The following EYA4 variants were observed in gnomAD, a reference collection of about 807,000 sequenced individuals.
EYA4 encodes EYA transcriptional coactivator and phosphatase 4, also known as protein phosphatase EYA4.
EYA4 carries 31 observed loss-of-function variants against 87.9 expected under a neutral mutation model. The observed-to-expected ratio is 0.35, with a 90% CI of 0.27 to 0.48. The LOEUF is 0.48. Among genes scored for constraint, EYA4 ranks in the 20% least tolerant of loss-of-function variants. The pLI is 0.99. For missense variants in EYA4, 678 were observed against 761.4 expected, an observed-to-expected ratio of 0.89 and a Z score of 1.29; for synonymous variants, 263 against 270.6, an observed-to-expected ratio of 0.97 and a Z score of 0.28.
chr6:133,251,585 T>C (rs2128230607), intron 1 of EYA4, among the ~76,000 whole-genome samples: 1 of 152,340 alleles, frequency 6.6e-6, no homozygotes, highest in South Asian at 2.1e-4. Context: ...ACCTGAATTC[T>C]TCAGTATATT....
chr6:133,357,775 G>A (rs901268776), intron 2 of EYA4, among the ~76,000 whole-genome samples: 3 of 152,112 alleles, frequency 2.0e-5, no homozygotes, highest in African/African-American at 7.2e-5. Context: ...GTTAAGGGAA[G>A]GTAAAGGGGT....
intron 3 of EYA4, among the ~76,000 whole-genome samples, chr6:133,403,022 T>C (rs1788399428): frequency 6.6e-6 from 1 of 152,224 alleles, no homozygotes; most frequent in Non-Finnish European, 1.5e-5. Context: ...AATGCCTGCT[T>C]TCTACAATTG....
chr6:133,338,162 A>G (rs745952861), intron 2 of EYA4, among the ~76,000 whole-genome samples: 1 of 152,218 alleles, frequency 6.6e-6, no homozygotes, highest in Non-Finnish European at 1.5e-5. Flanking sequence ...TCTAGTCATT[A>G]GCTTAAAAAT....
intron 2 of EYA4, among the ~76,000 whole-genome samples, chr6:133,341,764 T>C (rs1184349794): frequency 6.6e-6 from 1 of 152,012 alleles, no homozygotes. Flanking sequence ...ATGGAGCTAA[T>C]GGGGACGGTG....
At chr6:133,280,687 G>T (rs9321399) in intron 2 of EYA4, among the ~76,000 whole-genome samples, 1 of 151,970 alleles carries the variant, frequency 6.6e-6, no homozygotes, top group African/African-American at 2.4e-5. Context: ...GAGCCACCGC[G>T]CCCGGCCAAT....
At chr6:133,333,627 A>C (rs1472338600) in intron 2 of EYA4, among the ~76,000 whole-genome samples, 1 of 152,194 alleles carries the variant, frequency 6.6e-6, no homozygotes, top group African/African-American at 2.4e-5. Flanking sequence ...TATTCAGAGT[A>C]CTGTGAAAAC....
chr6:133,414,030 A>C (rs539260688), intron 3 of EYA4, among the ~76,000 whole-genome samples: 1 of 152,176 alleles, frequency 6.6e-6, no homozygotes, highest in South Asian at 2.1e-4. Flanking sequence ...ACTTTCATTG[A>C]TCTCTACTGT....
Position 133,521,588 on chromosome 6 carries a change from C to A in EYA4, c.1617-1468C>A, listed in dbSNP as rs1271501045. ...CTCAGGGATCTAGAACTGGAAATACCATTTGACCCAGCCATCCCATTACTG... is the reference window on the plus strand; with the variant it reads ...CTCAGGGATCTAGAACTGGAAATACAATTTGACCCAGCCATCCCATTACTG... On this transcript the variant is annotated intron_variant, in intron 17 of 19. Coordinates refer to ENST00000355286, the MANE Select transcript of EYA4 (RefSeq NM_004100.5). Among the ~76,000 whole-genome samples, 57 of 106,932 alleles carry A rather than the reference C, an allele frequency of 5.3e-4. No homozygotes were observed. The East Asian group carries it at 0.013, about 24-fold the overall frequency. The allele number at this position is 106,932 out of a possible 152,430, so 70.2% of individuals were successfully genotyped here.
At chr6:133,397,042 A>C (rs1426313401) in intron 3 of EYA4, among the ~76,000 whole-genome samples, 3 of 152,220 alleles carry the variant, frequency 2.0e-5, no homozygotes, top group Non-Finnish European at 2.9e-5. Flanking sequence ...AGAAAATGTT[A>C]GTGAAGCAGA....
At chr6:133,323,444 GT>G (rs1368212387) in intron 2 of EYA4, among the ~76,000 whole-genome samples, 3 of 152,082 alleles carry the variant, frequency 2.0e-5, no homozygotes, top group African/African-American at 7.2e-5. Context: ...TTAATAAGAT[GT>G]AGTATTTTGA....
chr6:133,250,947 G>T (rs1774848709), intron 1 of EYA4, among the ~76,000 whole-genome samples: 1 of 151,972 alleles, frequency 6.6e-6, no homozygotes, highest in Admixed American at 6.6e-5. Flanking sequence ...GTCTTTTTTG[G>T]GGGGCTATGG....
rs190284455 is a variant in EYA4, at chr6:133,474,041, A to C, written c.970+5310A>C. ...GATACTTCAGGGAAGGAGATATTTC[A>C]CGACCTCTTATCACCCTGTGGAAGG... On this transcript the variant is annotated intron_variant, in intron 11 of 19. Transcript: ENST00000355286. Among the ~76,000 whole-genome samples, 32 of 152,174 alleles carry C rather than the reference A, an allele frequency of 2.1e-4. No individual in the cohort carries two copies. In the East Asian group the frequency reaches 5.8e-3, roughly 28 times the overall value.
chr6:133,468,601 G>A lies in EYA4; in HGVS notation c.840G>A (p.Gln280=), dbSNP rs1795049846. 1 of 1,612,602 alleles carries A rather than the reference G, an allele frequency of 6.2e-7. No individual in the cohort carries two copies. Among genetic ancestry groups the A allele is most frequent in the Non-Finnish European group, 8.5e-7 (1 of 1,179,036 alleles). ...CCTATACAGCCTTTGGCCAAAACCA[G>A]TATGCACAGTATTATTCAGCATCAA... ...YPSYTAFGQN[Q]YAQYYSASTY... The change falls in exon 11 of 20, where the codon CAG becomes CAA. Residue 280 remains glutamine (Q), a synonymous_variant. Coordinates refer to ENST00000355286, the MANE Select transcript of EYA4 (RefSeq NM_004100.5).
chr6:133,332,116 G>A (rs1167710149), intron 2 of EYA4, among the ~76,000 whole-genome samples: 6 of 152,184 alleles, frequency 3.9e-5, no homozygotes, highest in African/African-American at 1.4e-4. Flanking sequence ...CCTTCCTGGA[G>A]ACTCTGGCCA....
intron 3 of EYA4, among the ~76,000 whole-genome samples, chr6:133,406,021 TCTACCTAC>T (rs66820519): frequency 6.6e-6 from 1 of 150,882 alleles, no homozygotes; most frequent in East Asian, 1.9e-4. Flanking sequence ...TATCTATCTA[TCTACCTAC>T]CTACCTACCT....
chr6:133,425,586 A>G (rs568885880), intron 3 of EYA4, among the ~76,000 whole-genome samples: 5 of 150,720 alleles, frequency 3.3e-5, no homozygotes, highest in Non-Finnish European at 5.9e-5. Flanking sequence ...ACTGAGTTCA[A>G]AACCTGAATT....
chr6:133,467,344 A>T (rs1187094356), intron 10 of EYA4, among the ~76,000 whole-genome samples: 1 of 152,112 alleles, frequency 6.6e-6, no homozygotes, highest in Non-Finnish European at 1.5e-5. Flanking sequence ...GTCCCCTTCA[A>T]AGTAAAATGA....
At chr6:133,307,645 A>G (rs375465433) in intron 2 of EYA4, among the ~76,000 whole-genome samples, 24 of 152,294 alleles carry the variant, frequency 1.6e-4, no homozygotes, top group African/African-American at 5.3e-4. Context: ...TATAATGACA[A>G]TAGTACAAGT....
intron 2 of EYA4, among the ~76,000 whole-genome samples, chr6:133,326,949 G>A (rs1781546745): frequency 6.6e-6 from 1 of 151,968 alleles, no homozygotes; most frequent in African/African-American, 2.4e-5. Flanking sequence ...CTGCCCCTGT[G>A]CCTTGACCTC....
Sources: gnomAD v4.1 joint callset for allele counts (sites outside exome capture counted in the v4.1 genomes callset) on GRCh38, gnomAD v4.1.1 for gene constraint, MANE v1.5 for transcripts, NCBI Gene and HGNC (gene_info 2026-07-23, HGNC 2026-07-21) for gene names.